Variants in PKHD1 observed in about 807,000 individuals in gnomAD.
PKHD1 encodes the protein PKHD1 ciliary IPT domain containing fibrocystin/polyductin.
In PKHD1, 291 loss-of-function variants were observed where a neutral mutation model predicts 412.0. The observed-to-expected ratio is 0.71, with a 90% CI of 0.64 to 0.78. The LOEUF (loss-of-function observed/expected upper bound fraction) is 0.78, where lower values mean the gene tolerates loss of function less well. Among genes scored for constraint, PKHD1 ranks in the 30% least tolerant of loss-of-function variants. PKHD1 has a pLI of 0.00. For synonymous variants in PKHD1, 1,777 were observed against 1,821.5 expected (o/e 0.98, Z 0.62); for missense variants, 4,825 against 4,950.7 (o/e 0.97, Z 0.76).
intron 34 of PKHD1, among the ~76,000 whole-genome samples, chr6:52,013,132 T>A (rs758128450): frequency 3.9e-5 from 6 of 152,202 alleles, no homozygotes; most frequent in Non-Finnish European, 7.3e-5. Context: ...TCAAGGAAAG[T>A]AGTGACCAAC....
At chr6:52,079,797 C>A in intron 5 of PKHD1, 103 bp downstream of exon 5, 1 of 781,312 alleles carries the variant, frequency 1.3e-6, no homozygotes, top group South Asian at 1.4e-5. Context: ...TTTCTTTTAA[C>A]CCGGTCAAGC....
intron 41 of PKHD1, among the ~76,000 whole-genome samples, 182 bp downstream of exon 41, chr6:51,906,033 A>G (rs950522962): frequency 2.6e-5 from 4 of 152,184 alleles, no homozygotes; most frequent in African/African-American, 9.6e-5. Flanking sequence ...CTATAGGTAA[A>G]GTTTAGTAAG....
chr6:51,886,162 C>T (rs969713192), intron 44 of PKHD1, among the ~76,000 whole-genome samples, 190 bp from the exon 45 acceptor site: 4 of 152,132 alleles, frequency 2.6e-5, no homozygotes, highest in African/African-American at 4.8e-5. Flanking sequence ...GACCTGCTCC[C>T]GAATCCCAAC....
rs113394143 is a variant in PKHD1, at chr6:52,003,992, T to C, written c.5751+6317A>G. On this transcript the variant is annotated intron_variant, in intron 35 of 66. Coordinates refer to ENST00000371117, the MANE Select transcript of PKHD1 (RefSeq NM_138694.4). ...ATAATGGTTCTCTTTATGTTTCTTC[T>C]GCTTTGGATTCATTAAGCTTCTTAG... 3.6e-3 allele frequency among the ~76,000 whole-genome samples: 549 copies of C among 152,362 alleles called. 3 individuals carry two copies. Among genetic ancestry groups the C allele is most frequent in the African/African-American group, 0.013 (530 of 41,594 alleles).
At chr6:51,835,820 C>T (rs59951656) in intron 51 of PKHD1, among the ~76,000 whole-genome samples, 3,721 of 152,214 alleles carry the variant, frequency 0.024, 141 homozygotes, top group African/African-American at 0.085. Context: ...CACAAAAATG[C>T]CACTGAAAAT....
At chr6:51,764,848 C>T (rs146639590) in intron 55 of PKHD1, among the ~76,000 whole-genome samples, 87 of 152,138 alleles carry the variant, frequency 5.7e-4, no homozygotes, top group African/African-American at 1.9e-3. Context: ...ATCACGTCTC[C>T]ACCCTCTGCT....
chr6:51,975,914 T>C (rs1160469821), intron 35 of PKHD1: 1 of 120,836 alleles, frequency 8.3e-6, no homozygotes, highest in Non-Finnish European at 1.6e-5. Flanking sequence ...TGCCCATGAA[T>C]AGCCACAGCA....
At chr6:51,709,260 T>C (rs1247808066) in intron 60 of PKHD1, among the ~76,000 whole-genome samples, 1 of 152,174 alleles carries the variant, frequency 6.6e-6, no homozygotes, top group Non-Finnish European at 1.5e-5. Context: ...AAACATTTGT[T>C]GAATGAACCA....
In PKHD1 at chr6:52,033,041, C is replaced by T. The variant is rs1247722530; in HGVS notation, c.3353G>A (p.Ser1118Asn). 1.9e-6 allele frequency: 3 copies of T among 1,612,332 alleles called. No homozygotes were observed. The highest frequency in any genetic ancestry group is 1.7e-5 in the Admixed American group (1 of 59,974). ...ATCACATATTTTACCTGCTATATTG[C>T]TTATGTTTCTGCTCAGAGTCACAAT... ...PVIVTLSRNI[S>N]NIAGGETLVI... Residue 1118 changes from serine to asparagine, a missense_variant, in exon 29 of 67, where the codon AGC (serine) becomes AAC (asparagine). Coordinates refer to ENST00000371117, the MANE Select transcript of PKHD1 (RefSeq NM_138694.4).
chr6:51,951,804 A>C (rs1790408549), intron 36 of PKHD1, among the ~76,000 whole-genome samples: 1 of 152,172 alleles, frequency 6.6e-6, no homozygotes, highest in Non-Finnish European at 1.5e-5. Context: ...AGGGATCATT[A>C]ATGAACAAAT....
chr6:51,886,237 T>G (rs1363444033), intron 44 of PKHD1, among the ~76,000 whole-genome samples: 3 of 152,186 alleles, frequency 2.0e-5, no homozygotes, highest in Non-Finnish European at 4.4e-5. Flanking sequence ...ATTTGGAAGT[T>G]TAATTGCTCT....
chr6:52,011,988 A>C (rs1462530973), intron 34 of PKHD1, among the ~76,000 whole-genome samples: 1 of 152,166 alleles, frequency 6.6e-6, no homozygotes, highest in Non-Finnish European at 1.5e-5. Context: ...GGTCAATTCA[A>C]AGTCTCAGAG....
At chr6:51,872,023 A>T (rs539600878) in intron 46 of PKHD1, among the ~76,000 whole-genome samples, 2 of 152,248 alleles carry the variant, frequency 1.3e-5, no homozygotes, top group Non-Finnish European at 2.9e-5. Context: ...AAAAAAAAGG[A>T]AATAGGAGAG....
intron 60 of PKHD1, among the ~76,000 whole-genome samples, chr6:51,670,289 T>G (rs950445694): frequency 6.6e-6 from 1 of 152,234 alleles, no homozygotes; most frequent in Non-Finnish European, 1.5e-5. Flanking sequence ...TTGATCCGTT[T>G]ACCATTATGT....
At chr6:51,981,352 C>G (rs1795195732) in intron 35 of PKHD1, among the ~76,000 whole-genome samples, 1 of 112,446 alleles carries the variant, frequency 8.9e-6, no homozygotes, top group Non-Finnish European at 2.0e-5. Context: ...TCTCCCTCTC[C>G]CTCTCCCTCT....
chr6:51,764,926 T>G (rs921597820), intron 55 of PKHD1, among the ~76,000 whole-genome samples: 2 of 152,010 alleles, frequency 1.3e-5, no homozygotes, highest in Non-Finnish European at 2.9e-5. Context: ...AATCCCATGC[T>G]CCAAATCTCT....
At chr6:52,052,937 C>A (rs1178589045) in intron 21 of PKHD1, 139 bp downstream of exon 21, 2 of 734,952 alleles carry the variant, frequency 2.7e-6, no homozygotes, top group Non-Finnish European at 4.8e-6. Context: ...ATCCCAGCCC[C>A]ATCTGTTTTC....
At chr6:51,956,460 C>A (rs1218303639) in intron 36 of PKHD1, among the ~76,000 whole-genome samples, 1 of 151,986 alleles carries the variant, frequency 6.6e-6, no homozygotes, top group African/African-American at 2.4e-5. Context: ...ATTCTTTCTA[C>A]AATCAACATA....
intron 53 of PKHD1, among the ~76,000 whole-genome samples, chr6:51,776,766 C>T (rs1193322418): frequency 6.6e-6 from 1 of 151,952 alleles, no homozygotes; most frequent in African/African-American, 2.4e-5. Context: ...AAACTAAATT[C>T]TTTTAGCAGC....
Sources: allele counts gnomAD v4.1 joint callset (sites outside exome capture counted in the v4.1 genomes callset), GRCh38; gene constraint gnomAD v4.1.1; transcripts MANE v1.5; gene names NCBI Gene and HGNC (gene_info 2026-07-23, HGNC 2026-07-21).